SLC26A2: variants seen among roughly 807,000 people sequenced by gnomAD.
SLC26A2 encodes sulfate transporter.
SLC26A2 carries 36 observed loss-of-function variants against 41.1 expected under a neutral mutation model. That is an observed-to-expected ratio of 0.88 (90% CI 0.67 to 1.16). The LOEUF is 1.16. SLC26A2 is among the 50% of genes most tolerant of loss of function. The probability of loss-of-function intolerance (pLI) is 0.00; values close to 1 mark genes in which losing one functional copy is unlikely to be tolerated. For synonymous variants in SLC26A2, 291 were observed against 311.6 expected (o/e 0.93, Z 0.70); for missense variants, 796 against 869.6 (o/e 0.92, Z 1.07).
chr5:149,968,014 TTTTA>T (rs766939815), intron 1 of SLC26A2, among the ~76,000 whole-genome samples: 18 of 152,040 alleles, frequency 1.2e-4, no homozygotes, highest in Non-Finnish European at 2.1e-4. Context: ...TTTTTTTATT[TTTTA>T]TTTGTTTGCA....
rs978368526 is a variant in SLC26A2 at position 149,977,600 on chromosome 5, A to G, written c.-25-28A>G. Reference sequence around the variant, plus strand: ...GTGAGCACTGAGAATTACTTTATTGATGAACACTGGTATTTTCTCTGGTGT... The same window carrying G: ...GTGAGCACTGAGAATTACTTTATTGGTGAACACTGGTATTTTCTCTGGTGT... On this transcript the variant is annotated intron_variant, in intron 1 of 2. Coordinates refer to ENST00000286298, the MANE Select transcript of SLC26A2 (RefSeq NM_000112.4). The G allele has an allele frequency of 6.8e-5, 77 of 1,130,954 alleles. 2 individuals carry two copies. The highest frequency in any genetic ancestry group is 3.9e-4 in the Middle Eastern group (2 of 5,152). The allele number at this position is 1,130,954 out of a possible 1,614,324, so 70.1% of individuals were successfully genotyped here.
chr5:149,974,617 G>T (rs1346285618), intron 1 of SLC26A2, among the ~76,000 whole-genome samples: 1 of 150,460 alleles, frequency 6.6e-6, no homozygotes, highest in East Asian at 2.0e-4. Flanking sequence ...AAGAGACGGG[G>T]TTTCACCATG....
Position 149,960,829 on chromosome 5 carries a change from G to C in SLC26A2, c.-176G>C, listed in dbSNP as rs1754686148. On this transcript the variant is annotated 5_prime_UTR_variant, in exon 1 of 3. Transcript: ENST00000286298. ...GCCGCGCCCGTAGGTCCCGGCAGCC[G>C]GGCCCCGCCTCCTTCGGAGTCCGAG... is the stretch of plus-strand genomic sequence containing the variant. 1 of 152,362 alleles carries C rather than the reference G, an allele frequency of 6.6e-6. No individual in the cohort carries two copies. Among genetic ancestry groups the C allele is most frequent in the Non-Finnish European group, 1.5e-5 (1 of 68,140 alleles). 9.4% of individuals were successfully genotyped at this position (152,362 alleles called of 1,614,324 possible).
rs765269781 is a variant in SLC26A2, at chr5:149,977,757, A to T, written c.105A>T (p.Ser35=). 3.1e-6 allele frequency: 5 copies of T among 1,613,786 alleles called. No homozygotes were observed. Among genetic ancestry groups the T allele is most frequent in the Non-Finnish European group, 2.5e-6 (3 of 1,179,746 alleles). The stretch of plus-strand genomic sequence containing the variant: ...TCCATCTGGAACTTCAAAGGGAATC[A>T]AGTACTGACTTCAAGCAATTTGAGA... The part of the protein sequence containing the change: ...SGIHLELQRE[S]STDFKQFETN... The change falls in exon 2 of 3, where the codon TCA becomes TCT. Residue 35 remains serine, a synonymous_variant. Coordinates refer to ENST00000286298, the MANE Select transcript of SLC26A2 (RefSeq NM_000112.4).
rs551345290 is a variant in SLC26A2, at chr5:149,987,034, C to T, written c.*5221C>T. ...CTTTGTACACAAACCAAGACAATAT[C>T]AGGGTGACAGGTGAATGAACTTAAA... is the stretch of plus-strand genomic sequence containing the variant. On this transcript the variant is annotated 3_prime_UTR_variant, in exon 3 of 3. Transcript: ENST00000286298. 3.9e-5 allele frequency: 6 copies of T among 152,296 alleles called. No homozygotes were observed. In the South Asian group the frequency reaches 1.2e-3, roughly 32 times the overall value. The allele number at this position is 152,296 out of a possible 1,614,324, so 9.4% of individuals were successfully genotyped here.
At chr5:149,979,519 C>T (rs997362160) in intron 2 of SLC26A2, among the ~76,000 whole-genome samples, 1 of 152,148 alleles carries the variant, frequency 6.6e-6, no homozygotes, top group Non-Finnish European at 1.5e-5. Flanking sequence ...GCTGGGATTA[C>T]AGGCATGAGC....
At chr5:149,967,462 A>T (rs886877490) in intron 1 of SLC26A2, among the ~76,000 whole-genome samples, 1 of 152,202 alleles carries the variant, frequency 6.6e-6, no homozygotes, top group African/African-American at 2.4e-5. Context: ...ATAAATTAGT[A>T]TAAACTTTTT....
chr5:149,967,446 G>T (rs1754824349), intron 1 of SLC26A2, among the ~76,000 whole-genome samples: 1 of 152,088 alleles, frequency 6.6e-6, no homozygotes, highest in African/African-American at 2.4e-5. Flanking sequence ...TTTACTTTCT[G>T]TCACTATAAA....
intron 1 of SLC26A2, chr5:149,962,043 T>C (rs1754721657): frequency 6.6e-6 from 1 of 152,236 alleles, no homozygotes. Context: ...CATTGCCATA[T>C]GACTGCTGAG....
chr5:149,964,151 T>C (rs1428050388), intron 1 of SLC26A2, among the ~76,000 whole-genome samples: 1 of 152,192 alleles, frequency 6.6e-6, no homozygotes, highest in Non-Finnish European at 1.5e-5. Flanking sequence ...GACCTCATCT[T>C]GCTAATGAAT....
At chr5:149,978,590 T>A (rs1755038770) in intron 2 of SLC26A2, among the ~76,000 whole-genome samples, 1 of 152,202 alleles carries the variant, frequency 6.6e-6, no homozygotes, top group Admixed American at 6.5e-5. Flanking sequence ...TCAGAAAATC[T>A]TGGCTTTGCT....
intron 1 of SLC26A2, among the ~76,000 whole-genome samples, chr5:149,973,622 T>C (rs1384045832): frequency 3.3e-5 from 5 of 151,938 alleles, no homozygotes; most frequent in African/African-American, 1.2e-4. Flanking sequence ...CTGAGAAAGT[T>C]TTTATTTCTT....
chr5:149,976,276 G>GTAACAAGTAC (rs1191484943), intron 1 of SLC26A2, among the ~76,000 whole-genome samples: 1 of 152,052 alleles, frequency 6.6e-6, no homozygotes, highest in African/African-American at 2.4e-5. Context: ...ATTCCATTCA[G>GTAACAAGTAC]ATTACACTGA....
chr5:149,968,234 A>G (rs1229159502), intron 1 of SLC26A2, among the ~76,000 whole-genome samples: 2 of 152,148 alleles, frequency 1.3e-5, no homozygotes, highest in Non-Finnish European at 2.9e-5. Context: ...ACATTAGTAT[A>G]CAAATATCTG....
At chr5:149,972,222 G>C (rs945267322) in intron 1 of SLC26A2, among the ~76,000 whole-genome samples, 1 of 152,196 alleles carries the variant, frequency 6.6e-6, no homozygotes, top group Admixed American at 6.5e-5. Flanking sequence ...AATCATAGTA[G>C]TCAGCAGCTT....
At chr5:149,967,958 A>G (rs980091206) in intron 1 of SLC26A2, among the ~76,000 whole-genome samples, 2 of 147,776 alleles carry the variant, frequency 1.4e-5, no homozygotes, top group African/African-American at 4.9e-5. Context: ...GAATCATACA[A>G]TACTTGTCCT....
At chr5:149,978,733 G>A (rs923297994) in intron 2 of SLC26A2, among the ~76,000 whole-genome samples, 5 of 151,240 alleles carry the variant, frequency 3.3e-5, no homozygotes, top group African/African-American at 9.7e-5. Context: ...ACTCTGTCAC[G>A]CTGGAGTGCA....
chr5:149,965,479 C>CAAAAAA (rs55779255), intron 1 of SLC26A2, among the ~76,000 whole-genome samples: 1 of 63,924 alleles, frequency 1.6e-5, no homozygotes, highest in Non-Finnish European at 2.9e-5. Context: ...GACTCTGTCT[C>CAAAAAA]AAAAAAAAAA....
In SLC26A2 at chr5:149,981,074, C is replaced by T. The variant is rs564881130; in HGVS notation, c.1481C>T (p.Ala494Val). 49 of 1,614,142 alleles carry T rather than the reference C, an allele frequency of 3.0e-5. 3 individuals carry two copies. In the South Asian group the frequency reaches 4.5e-4, roughly 15 times the overall value. The change falls in exon 3 of 3, where the codon GCC becomes GTC. Residue 494 changes from alanine (A) to valine (V), a missense_variant. Coordinates refer to ENST00000286298, the MANE Select transcript of SLC26A2 (RefSeq NM_000112.4). ...GVITIVNLRG[A>V]LRKFRDLPKM... ...ATCACAATTGTAAATCTACGGGGAG[C>T]CCTTCGTAAATTTAGGGATCTTCCC...
Sources: allele counts gnomAD v4.1 joint callset (sites outside exome capture counted in the v4.1 genomes callset), GRCh38; gene constraint gnomAD v4.1.1; transcripts MANE v1.5; gene names NCBI Gene and HGNC (gene_info 2026-07-23, HGNC 2026-07-21).